The following MYH13 variants were observed in gnomAD, a reference collection of about 807,000 sequenced individuals.
MYH13 encodes the protein myosin heavy chain 13, also known as myosin-13.
A neutral mutation model predicts 232.1 loss-of-function variants in MYH13; 177 were observed. The observed-to-expected ratio is 0.76, with a 90% CI of 0.67 to 0.86. The LOEUF (loss-of-function observed/expected upper bound fraction) is 0.86, where lower values mean the gene tolerates loss of function less well. MYH13 is among the 40% of genes least tolerant of loss of function. MYH13 has a pLI of 0.00. For synonymous variants in MYH13, 884 were observed against 923.5 expected (o/e 0.96, Z 0.78); for missense variants, 2,246 against 2,405.9 (o/e 0.93, Z 1.39).
rs760714554 is a variant in MYH13 at position 10,315,882 on chromosome 17, G to T, written c.3865+17C>A. 1 of 1,613,928 alleles carries T rather than the reference G, an allele frequency of 6.2e-7. No homozygotes were observed. The highest frequency in any genetic ancestry group is 2.2e-5 in the East Asian group (1 of 44,858). On this transcript the variant is annotated intron_variant, in intron 28 of 40. Coordinates refer to ENST00000252172, the MANE Select transcript of MYH13 (RefSeq NM_003802.3). ...CTCCCATGGCCCGGCTGGACCCAGA[G>T]CCCTGCCCATTCTCACCATTTTGGG... is the stretch of plus-strand genomic sequence containing the variant.
intron 35 of MYH13, among the ~76,000 whole-genome samples, 160 bp downstream of exon 35, chr17:10,309,074 T>C (rs920108929): frequency 3.3e-5 from 5 of 152,236 alleles, no homozygotes; most frequent in Admixed American, 2.0e-4. Context: ...AGAAGCAAGC[T>C]TAAAAGAAAA....
chr17:10,342,519 T>A (rs1451230151), intron 16 of MYH13, among the ~76,000 whole-genome samples: 4 of 152,172 alleles, frequency 2.6e-5, no homozygotes, highest in Non-Finnish European at 5.9e-5. Flanking sequence ...TATACAAATG[T>A]TCATAGCAAC....
chr17:10,357,210 C>G lies in MYH13; in HGVS notation c.738+525G>C, dbSNP rs373445447. Among the ~76,000 whole-genome samples the G allele has an allele frequency of 2.6e-4, 39 of 152,296 alleles. No homozygotes were observed. In the South Asian group the frequency reaches 7.5e-3, roughly 29 times the overall value. On this transcript the variant is annotated intron_variant, in intron 8 of 40. Transcript: ENST00000252172. Reference sequence around the variant, plus strand: ...CTCCTGGTCTCAAGTGATCCGCCCCCCTCAGCCTCCCAAAGTGCTGGGATT... The same window carrying G: ...CTCCTGGTCTCAAGTGATCCGCCCCGCTCAGCCTCCCAAAGTGCTGGGATT...
At chr17:10,347,587 C>T (rs2142261978) in intron 12 of MYH13, among the ~76,000 whole-genome samples, 1 of 152,124 alleles carries the variant, frequency 6.6e-6, no homozygotes, top group East Asian at 1.9e-4. Flanking sequence ...TGGCTGTTTC[C>T]TACAGTTCAT....
chr17:10,314,592 A>G (rs556115447), intron 29 of MYH13, among the ~76,000 whole-genome samples: 1 of 152,248 alleles, frequency 6.6e-6, no homozygotes, highest in Admixed American at 6.5e-5. Flanking sequence ...TTTACCATAC[A>G]ACAGAAAGAT....
Position 10,346,749 on chromosome 17 carries a change from C to G in MYH13, c.1194G>C (p.Leu398=). 6.2e-7 allele frequency: 1 copy of G among 1,614,010 alleles called. No individual in the cohort carries two copies. Among genetic ancestry groups the G allele is most frequent in the Non-Finnish European group, 8.5e-7 (1 of 1,179,876 alleles). The change falls in exon 13 of 41, where the codon CTG becomes CTC. Residue 398 remains leucine (L), a synonymous_variant. Transcript: ENST00000252172. ...TCACCCTTGGACAGCACAGGCCCTT[C>G]AGCATTTCTGCAGAATTCAGTCCCA... ...YLMGLNSAEM[L]KGLCCPRVKV...
chr17:10,310,211 C>A (rs1906461170), intron 33 of MYH13, among the ~76,000 whole-genome samples: 1 of 151,938 alleles, frequency 6.6e-6, no homozygotes, highest in East Asian at 1.9e-4. Context: ...CTGCCTCAGC[C>A]TCCCGAGTAG....
intron 22 of MYH13, 127 bp from the exon 23 acceptor site, chr17:10,324,391 C>T (rs3826442): frequency 0.62 from 667,764 of 1,085,416 alleles, 209,671 homozygotes; most frequent in Non-Finnish European, 0.66. Flanking sequence ...CACACATGCA[C>T]GCACATGTGC....
At chr17:10,327,757 G>T in intron 22 of MYH13, 109 bp downstream of exon 22, 1 of 1,378,794 alleles carries the variant, frequency 7.3e-7, no homozygotes, top group Non-Finnish European at 9.9e-7. Context: ...ATGACCACTG[G>T]GTGGCACCAC....
chr17:10,305,732 A>AG (rs1459029213), intron 37 of MYH13, among the ~76,000 whole-genome samples: 1 of 152,202 alleles, frequency 6.6e-6, no homozygotes, highest in Non-Finnish European at 1.5e-5. Context: ...ACATGGGTCT[A>AG]AAAGGAAAAG....
rs771955776 is a variant in MYH13 at position 10,309,575 on chromosome 17, G to A, written c.4912C>T (p.Arg1638Cys). 5.0e-6 allele frequency: 8 copies of A among 1,613,196 alleles called. 1 individual carries two copies. Among genetic ancestry groups the A allele is most frequent in the South Asian group, 3.3e-5 (3 of 90,888 alleles). ...EMEIQLGHSN[R>C]QMAETQKHLR... is the part of the protein sequence containing the mutation. ...TGCTTCTGGGTCTCTGCCATCTGGC[G>A]GTTGGAGTGGCCCAGCTGAATCTCC... Residue 1638 changes from arginine (R) to cysteine (C), a missense_variant, in exon 34 of 41, where the codon CGC becomes TGC. Coordinates refer to ENST00000252172, the MANE Select transcript of MYH13 (RefSeq NM_003802.3).
intron 16 of MYH13, chr17:10,341,468 T>C (rs895052645): frequency 1.3e-5 from 2 of 152,242 alleles, no homozygotes; most frequent in African/African-American, 4.8e-5. Context: ...ATTTTATAAG[T>C]TGATTTCTTT....
intron 13 of MYH13, 88 bp from the exon 14 acceptor site, chr17:10,345,704 A>G (rs2071658790): frequency 1.2e-6 from 2 of 1,607,788 alleles, no homozygotes; most frequent in African/African-American, 2.7e-5. Context: ...TCGAAAATCA[A>G]AAGCTGTTGG....
chr17:10,306,804 C>T lies in MYH13; in HGVS notation c.5295+135G>A. On this transcript the variant is annotated intron_variant, in intron 36 of 40. Transcript: ENST00000252172. The surrounding 1 kb of genome is among the most constrained non-coding windows in gnomAD (Gnocchi z 4.3). ...CTTTGCCACTGCTGAGACTGTACCTCATTACATCTGTCTGGGAAGCCACCA... is the reference window on the plus strand; with the variant it reads ...CTTTGCCACTGCTGAGACTGTACCTTATTACATCTGTCTGGGAAGCCACCA... 1 of 1,539,696 alleles carries T rather than the reference C, an allele frequency of 6.5e-7. No homozygotes were observed. Among genetic ancestry groups the T allele is most frequent in the Non-Finnish European group, 8.7e-7 (1 of 1,144,976 alleles).
chr17:10,351,426 A>C (rs574999755), intron 11 of MYH13, among the ~76,000 whole-genome samples: 3 of 152,266 alleles, frequency 2.0e-5, no homozygotes, highest in Admixed American at 6.5e-5. Flanking sequence ...GACTCAAGAC[A>C]ATATGCATTA....
rs770623858 is a variant in MYH13 at position 10,300,988 on chromosome 17, T to C, written c.5803-23A>G. 3 of 1,611,070 alleles carry C rather than the reference T, an allele frequency of 1.9e-6. No homozygotes were observed. The South Asian group carries it at 3.3e-5, about 18-fold the overall frequency. On this transcript the variant is annotated intron_variant, in intron 40 of 40. Transcript: ENST00000252172. ...CTTCTGTGGGAGAAAAAAATAATTG[T>C]ACATAGGAAATGAGTCAACTAAATG...
intron 26 of MYH13, among the ~76,000 whole-genome samples, 186 bp from the exon 27 acceptor site, chr17:10,319,365 C>T (rs1257872160): frequency 3.3e-5 from 5 of 151,826 alleles, no homozygotes; most frequent in Admixed American, 2.0e-4. Flanking sequence ...AAAAATTAGC[C>T]GGGTGTGGTG....
chr17:10,346,089 A>G, intron 13 of MYH13, among the ~76,000 whole-genome samples: 1 of 151,792 alleles, frequency 6.6e-6, no homozygotes, highest in Non-Finnish European at 1.5e-5. Flanking sequence ...TAAATATTTT[A>G]TGAGGTGTTT....
rs1388456769 is a variant in MYH13 at position 10,365,779 on chromosome 17, G to A, written c.-12-1237C>T. Among the ~76,000 whole-genome samples the A allele has an allele frequency of 2.0e-5, 3 of 152,090 alleles. No individual in the cohort carries two copies. The East Asian group carries it at 5.8e-4, about 29-fold the overall frequency. The stretch of plus-strand genomic sequence containing the variant: ...CGGTCTCTAAACTTTGTGCGTGGCG[G>A]TGTCAGGGTGTGACAAATATTGTTT... On this transcript the variant is annotated intron_variant, in intron 2 of 40. Coordinates refer to ENST00000252172, the MANE Select transcript of MYH13 (RefSeq NM_003802.3).
Sources: gnomAD v4.1 joint callset for allele counts (sites outside exome capture counted in the v4.1 genomes callset) on GRCh38, gnomAD v4.1.1 for gene constraint, Gnocchi (gnomAD v3.1) non-coding constraint, MANE v1.5 for transcripts, NCBI Gene and HGNC (gene_info 2026-07-23, HGNC 2026-07-21) for gene names.